Variants in IQSEC1 observed in about 807,000 individuals in gnomAD.
IQSEC1 encodes the protein IQ motif and Sec7 domain ArfGEF 1, also known as IQ motif and SEC7 domain-containing protein 1.
In IQSEC1, 31 loss-of-function variants were observed where a neutral mutation model predicts 91.0. The ratio of observed to expected loss-of-function variants is 0.34; its 90% CI spans 0.26 to 0.46. IQSEC1 has a LOEUF of 0.46. Ranked by LOEUF, IQSEC1 falls within the 20% of genes least tolerant of loss-of-function variation. The probability of loss-of-function intolerance (pLI) is 1.00; values close to 1 mark genes in which losing one functional copy is unlikely to be tolerated. For missense variants in IQSEC1, 1,388 were observed against 1,575.6 expected, an observed-to-expected ratio of 0.88 and a Z score of 2.02; for synonymous variants, 699 against 662.6, an observed-to-expected ratio of 1.05 and a Z score of -0.84.
rs957749522 is a variant in IQSEC1, at chr3:13,214,872, A to G, written c.273-50739T>C. 6.6e-6 allele frequency among the ~76,000 whole-genome samples: 1 copy of G among 152,212 alleles called. No homozygotes were observed. Among genetic ancestry groups the G allele is most frequent in the African/African-American group, 2.4e-5 (1 of 41,458 alleles). ...TGTTTGCAGCTGAGCGCCAGGACCG[A>G]CGTCGGGCTCTGCTGAGCACTAGCC... is the stretch of plus-strand genomic sequence containing the variant. On this transcript the variant is annotated intron_variant, in intron 1 of 15. Transcript: ENST00000648114. The surrounding 1 kb of genome is among the most constrained non-coding windows in gnomAD (Gnocchi z 4.5).
rs553304385 is a variant in IQSEC1, at chr3:13,179,814, G to A, written c.273-15681C>T. On this transcript the variant is annotated intron_variant, in intron 1 of 15. Transcript: ENST00000648114. ...GTGCTTGCGGGCCAGCGCGAGTTCC[G>A]GGTGGGCATGGGCTCGGCGGGCCCT... 1.8e-4 allele frequency among the ~76,000 whole-genome samples: 28 copies of A among 152,370 alleles called. No homozygotes were observed. The South Asian group carries it at 4.1e-3, about 23-fold the overall frequency.
At chr3:13,147,998 G>A (rs546046826) in intron 2 of IQSEC1, among the ~76,000 whole-genome samples, 3 of 152,302 alleles carry the variant, frequency 2.0e-5, no homozygotes, top group African/African-American at 4.8e-5. Flanking sequence ...TGGGATTGCT[G>A]AATCCAATGG....
chr3:13,069,766 G>C (rs1705353571), intron 1 of IQSEC1, among the ~76,000 whole-genome samples: 1 of 152,206 alleles, frequency 6.6e-6, no homozygotes, highest in Non-Finnish European at 1.5e-5. Flanking sequence ...CCCTTGCAGA[G>C]ATGATGAAAA....
At chr3:13,166,108 G>C (rs1051251986) in intron 1 of IQSEC1, among the ~76,000 whole-genome samples, 1 of 152,212 alleles carries the variant, frequency 6.6e-6, no homozygotes, top group African/African-American at 2.4e-5. Context: ...TCTGCTCTTA[G>C]GGTAACTCCA....
At chr3:13,068,266 C>T (rs1305164532) in intron 1 of IQSEC1, among the ~76,000 whole-genome samples, 2 of 152,230 alleles carry the variant, frequency 1.3e-5, no homozygotes, top group Non-Finnish European at 2.9e-5. Flanking sequence ...GAGGTAGGTG[C>T]TTGCCTAAGC....
intron 1 of IQSEC1, among the ~76,000 whole-genome samples, chr3:12,947,868 G>A (rs1699285277): frequency 6.6e-6 from 1 of 152,226 alleles, no homozygotes; most frequent in African/African-American, 2.4e-5. Flanking sequence ...TTCCTGTGAT[G>A]GAAGTGGTAT....
chr3:13,030,935 A>G (rs1703821304), intron 1 of IQSEC1, among the ~76,000 whole-genome samples: 1 of 152,268 alleles, frequency 6.6e-6, no homozygotes, highest in Non-Finnish European at 1.5e-5. Flanking sequence ...TTCAACAATA[A>G]GAAGCTAAAA....
intron 1 of IQSEC1, among the ~76,000 whole-genome samples, chr3:13,049,863 A>C (rs1281656538): frequency 6.6e-6 from 1 of 152,202 alleles, no homozygotes; most frequent in South Asian, 2.1e-4. Flanking sequence ...ACATGGGTCC[A>C]AGGAATTGAG....
chr3:13,212,112 C>G (rs570118748), intron 1 of IQSEC1, among the ~76,000 whole-genome samples: 3 of 152,308 alleles, frequency 2.0e-5, no homozygotes, highest in Admixed American at 6.5e-5. Context: ...CCTCAGTTTT[C>G]TCAGCTGTAA....
chr3:13,221,093 G>A (rs866699552), intron 1 of IQSEC1, among the ~76,000 whole-genome samples: 62 of 152,302 alleles, frequency 4.1e-4, no homozygotes, highest in African/African-American at 1.4e-3. Context: ...CAGGGCTGTC[G>A]CTGGAAGGAC....
intron 1 of IQSEC1, among the ~76,000 whole-genome samples, chr3:13,271,781 C>T (rs1270198585): frequency 1.3e-5 from 2 of 152,134 alleles, no homozygotes; most frequent in African/African-American, 4.8e-5. Context: ...GATGACAGAG[C>T]AAGACCCTTT....
intron 1 of IQSEC1, among the ~76,000 whole-genome samples, chr3:13,200,096 C>T (rs933885175): frequency 8.0e-5 from 12 of 150,066 alleles, no homozygotes; most frequent in East Asian, 2.0e-4. Flanking sequence ...ACACAACATG[C>T]GCGCGCACGC....
chr3:13,034,454 G>A (rs547459995), intron 1 of IQSEC1, among the ~76,000 whole-genome samples: 1 of 152,330 alleles, frequency 6.6e-6, no homozygotes, highest in South Asian at 2.1e-4. Context: ...CCTAACACCC[G>A]TTTCCCGCCT....
At chr3:13,108,451 C>T (rs1706189280) in intron 2 of IQSEC1, among the ~76,000 whole-genome samples, 1 of 152,128 alleles carries the variant, frequency 6.6e-6, no homozygotes, top group African/African-American at 2.4e-5. Context: ...CCTGCACTGC[C>T]TTCCAGACAC....
intron 1 of IQSEC1, 26 bp from the exon 2 acceptor site, chr3:12,941,891 C>T: frequency 1.3e-6 from 2 of 1,549,234 alleles, no homozygotes. Context: ...AGGTGAGAAG[C>T]TTCTGGTAAG....
chr3:13,258,552 G>A (rs977241252), intron 1 of IQSEC1, among the ~76,000 whole-genome samples: 1 of 151,950 alleles, frequency 6.6e-6, no homozygotes, highest in Non-Finnish European at 1.5e-5. Context: ...CGGACATGGT[G>A]GTATGTGCCT....
intron 1 of IQSEC1, among the ~76,000 whole-genome samples, chr3:13,164,911 G>C (rs1205781751): frequency 6.6e-6 from 1 of 152,238 alleles, no homozygotes; most frequent in African/African-American, 2.4e-5. Context: ...CAGAGAGCTA[G>C]AGAAATAAAA....
At chr3:13,186,390 T>C (rs912117124) in intron 1 of IQSEC1, among the ~76,000 whole-genome samples, 4 of 152,124 alleles carry the variant, frequency 2.6e-5, no homozygotes, top group African/African-American at 7.2e-5. Flanking sequence ...TTACCAGAGA[T>C]GAAAAGTCTG....
intron 1 of IQSEC1, among the ~76,000 whole-genome samples, chr3:13,219,095 A>G (rs1694604369): frequency 6.6e-6 from 1 of 152,008 alleles, no homozygotes; most frequent in Non-Finnish European, 1.5e-5. Flanking sequence ...GGGCCCTTCT[A>G]CAATTTGTGC....
Sources: allele counts gnomAD v4.1 joint callset (sites outside exome capture counted in the v4.1 genomes callset), GRCh38; gene constraint gnomAD v4.1.1; non-coding constraint Gnocchi (gnomAD v3.1); transcripts MANE v1.5; gene names NCBI Gene and HGNC (gene_info 2026-07-23, HGNC 2026-07-21).